XPO1: variants seen among roughly 807,000 people sequenced by gnomAD.
XPO1 encodes exportin-1.
In XPO1, 5 loss-of-function variants were observed where a neutral mutation model predicts 133.3. That is an observed-to-expected ratio of 0.04 (90% CI 0.02 to 0.08). The LOEUF (loss-of-function observed/expected upper bound fraction) is 0.08. XPO1 is among the 10% of genes least tolerant of loss of function. XPO1 has a pLI of 1.00. For missense variants in XPO1, 506 were observed against 1,267.5 expected (o/e 0.40, Z 9.12); for synonymous variants, 419 against 408.2 (o/e 1.03, Z -0.32).
intron 6 of XPO1, 104 bp from the exon 7 acceptor site, chr2:61,499,998 T>A: frequency 8.7e-7 from 1 of 1,146,176 alleles, no homozygotes; most frequent in Non-Finnish European, 1.2e-6. Flanking sequence ...TAAGGATAAA[T>A]CACTTTTCAT....
At chr2:61,514,802 C>T (rs1295238812) in intron 4 of XPO1, among the ~76,000 whole-genome samples, 1 of 151,832 alleles carries the variant, frequency 6.6e-6, no homozygotes, top group Non-Finnish European at 1.5e-5. Flanking sequence ...GGGCTGGGCG[C>T]AGTGGCTTAT....
intron 18 of XPO1, 131 bp downstream of exon 18, chr2:61,488,455 AAT>A: frequency 4.3e-6 from 5 of 1,159,798 alleles, no homozygotes; most frequent in Non-Finnish European, 4.9e-6. Context: ...AACTGTTTTA[AAT>A]ATGTCTAGGG....
intron 5 of XPO1, 32 bp from the exon 6 acceptor site, chr2:61,502,072 T>C (rs780744159): frequency 1.3e-6 from 2 of 1,576,242 alleles, no homozygotes; most frequent in Non-Finnish European, 1.7e-6. Context: ...AATGAGAGCC[T>C]GAGGTAAGTA....
Position 61,483,406 on chromosome 2 carries a change from G to A in XPO1, c.2678-315C>T, listed in dbSNP as rs575281494. Reference sequence around the variant, plus strand: ...GGTGAGGGATAAGACTACACATAAGGTGGAGTTCATACACATGAGGGATAA... The same window carrying A: ...GGTGAGGGATAAGACTACACATAAGATGGAGTTCATACACATGAGGGATAA... On this transcript the variant is annotated intron_variant, in intron 21 of 24. Transcript: ENST00000401558. 1.8e-4 allele frequency: 45 copies of A among 251,774 alleles called. No homozygotes were observed. The East Asian group carries it at 4.3e-3, about 24-fold the overall frequency. 15.6% of individuals were successfully genotyped at this position (251,774 alleles called of 1,614,324 possible).
chr2:61,507,793 G>A (rs1291505147), intron 4 of XPO1, among the ~76,000 whole-genome samples: 1 of 152,086 alleles, frequency 6.6e-6, no homozygotes, highest in East Asian at 1.9e-4. Context: ...CAGGAGAAGT[G>A]CTTAAACCTG....
intron 10 of XPO1, among the ~76,000 whole-genome samples, 191 bp downstream of exon 10, chr2:61,496,688 C>T (rs1001905428): frequency 2.0e-5 from 3 of 152,160 alleles, no homozygotes; most frequent in Non-Finnish European, 4.4e-5. Flanking sequence ...TACCACAACA[C>T]ACCCCAAACC....
At chr2:61,504,433 T>C (rs981355729) in intron 4 of XPO1, among the ~76,000 whole-genome samples, 5 of 152,178 alleles carry the variant, frequency 3.3e-5, no homozygotes, top group East Asian at 1.9e-4. Context: ...GCAACCCTAA[T>C]TGAACAAATT....
chr2:61,491,735 G>T (rs546653413), intron 16 of XPO1, among the ~76,000 whole-genome samples: 23 of 151,976 alleles, frequency 1.5e-4, no homozygotes, highest in Non-Finnish European at 2.8e-4. Flanking sequence ...CTCTACCAAG[G>T]GGGGGAAAAA....
In XPO1 at chr2:61,483,065, G is replaced by C. The variant is rs1696479118; in HGVS notation, c.2704C>G (p.Gln902Glu). 1.9e-6 allele frequency: 3 copies of C among 1,613,122 alleles called. No homozygotes were observed. Among genetic ancestry groups the C allele is most frequent in the Non-Finnish European group, 2.5e-6 (3 of 1,179,870 alleles). Residue 902 changes from glutamine to glutamate, a missense_variant, in exon 22 of 25, where the codon CAA becomes GAA. Physicochemically the swap from Gln to Glu is conservative, Grantham distance 29. This residue lies in a region of XPO1 where 203 missense variants were observed against 365.9 expected (regional missense o/e 0.55). Transcript: ENST00000401558. ...GCAGCTTCTTCTTGTGCAACATTTT[G>C]TAAGAGTGTAAAAAGTATCTGTAAG... is the stretch of plus-strand genomic sequence containing the variant. ...TGLQILFTLL[Q>E]NVAQEEAAAQ...
At chr2:61,535,207 A>C (rs1462702349) in intron 1 of XPO1, among the ~76,000 whole-genome samples, 1 of 152,192 alleles carries the variant, frequency 6.6e-6, no homozygotes, top group African/African-American at 2.4e-5. Context: ...AGCCAATGCC[A>C]CTCAAACCTA....
chr2:61,519,865 A>G (rs909944550), intron 4 of XPO1, among the ~76,000 whole-genome samples: 3 of 152,072 alleles, frequency 2.0e-5, no homozygotes, highest in Non-Finnish European at 2.9e-5. Context: ...TATACCAGGC[A>G]TTTCTTTCCA....
rs755149204 is a variant in XPO1 at position 61,478,907 on chromosome 2, C to T, written c.3129G>A (p.Arg1043=). The T allele has an allele frequency of 1.9e-6, 3 of 1,614,118 alleles. No individual in the cohort carries two copies. The highest frequency in any genetic ancestry group is 2.5e-6 in the Non-Finnish European group (3 of 1,180,022). The change falls in exon 25 of 25, where the codon CGG becomes CGA. Residue 1043 remains arginine, a synonymous_variant. Coordinates refer to ENST00000401558, the MANE Select transcript of XPO1 (RefSeq NM_003400.4). ...GTTTATGTTTCTCTTCATCAGCCTG[C>T]CGTAGGGCTATTTCTCTCTCTTCCA... ...LFLEEREIAL[R]QADEEKHKRQ...
intron 4 of XPO1, among the ~76,000 whole-genome samples, chr2:61,515,173 G>A (rs1698306036): frequency 1.3e-5 from 2 of 152,012 alleles, no homozygotes; most frequent in Non-Finnish European, 2.9e-5. Flanking sequence ...AAAGTAATCG[G>A]ATAGAGGCAG....
chr2:61,518,417 AACACACACAC>A (rs200566050), intron 4 of XPO1, among the ~76,000 whole-genome samples: 1,688 of 124,482 alleles, frequency 0.014, 40 homozygotes, highest in African/African-American at 0.033. Flanking sequence ...CAAAAAACAA[AACACACACAC>A]ACACACACAC....
At chr2:61,481,110 T>TA in intron 24 of XPO1, 75 bp downstream of exon 24, 1 of 908,812 alleles carries the variant, frequency 1.1e-6, no homozygotes, top group Non-Finnish European at 1.6e-6. Flanking sequence ...AATCAAGTGA[T>TA]AAAAATTCTA....
intron 1 of XPO1, 31 bp downstream of exon 1, chr2:61,537,531 A>G (rs1000467517): frequency 6.7e-6 from 1 of 148,366 alleles, no homozygotes; most frequent in Non-Finnish European, 1.5e-5. Flanking sequence ...CCGCCGCCCG[A>G]CCCTCGGCCC....
At position 61,500,346 on chromosome 2, in the gene XPO1, C is replaced by T. The variant is rs1697443507; in HGVS notation, c.409-452G>A. 3.3e-5 allele frequency among the ~76,000 whole-genome samples: 5 copies of T among 151,728 alleles called. No individual in the cohort carries two copies. The South Asian group carries it at 1.0e-3, about 32-fold the overall frequency. The stretch of plus-strand genomic sequence containing the variant: ...CTGTAATCCCAGCACTTTGGGAGGC[C>T]GAGGTAGGAGGATCACGAGGTCAGG... On this transcript the variant is annotated intron_variant, in intron 6 of 24. Transcript: ENST00000401558.
chr2:61,493,689 T>G (rs1011420877), intron 12 of XPO1: 1 of 545,344 alleles, frequency 1.8e-6, no homozygotes, highest in African/African-American at 1.9e-5. Flanking sequence ...TCACAACCAA[T>G]GTTGATACTG....
chr2:61,485,612 T>C, intron 20 of XPO1, 156 bp downstream of exon 20: 3 of 722,878 alleles, frequency 4.2e-6, no homozygotes, highest in Non-Finnish European at 6.4e-6. Flanking sequence ...GGAAGTAAGT[T>C]CTTGAAAACC....
Sources: allele counts gnomAD v4.1 joint callset (sites outside exome capture counted in the v4.1 genomes callset), GRCh38; gene constraint gnomAD v4.1.1; regional missense constraint gnomAD v4.1.1; transcripts MANE v1.5; gene names NCBI Gene and HGNC (gene_info 2026-07-23, HGNC 2026-07-21).